NCOA3: variants seen among roughly 807,000 people sequenced by gnomAD.
NCOA3 encodes nuclear receptor coactivator 3.
In NCOA3, 51 loss-of-function variants were observed where a neutral mutation model predicts 158.8. The observed-to-expected ratio is 0.32, with a 90% CI of 0.26 to 0.41. NCOA3 has a LOEUF of 0.41. Among genes scored for constraint, NCOA3 ranks in the 10% least tolerant of loss-of-function variants. NCOA3 has a pLI of 1.00. For synonymous variants in NCOA3, 537 were observed against 592.4 expected (o/e 0.91, Z 1.36); for missense variants, 1,510 against 1,746.6 (o/e 0.86, Z 2.41).
rs779229061 is a variant in NCOA3 at position 47,627,738 on chromosome 20, A to AG, written c.712dup (p.Glu238GlyfsTer28). 1.2e-6 allele frequency: 2 copies of AG among 1,613,022 alleles called. No individual in the cohort carries two copies. The highest frequency in any genetic ancestry group is 1.3e-5 in the African/African-American group (1 of 74,886). ...CTGTCTCAGCCACGAGCTATGATGG[A>AG]GGAAGGGGAAGGTAAGAGCTATTAT... On this transcript the variant is annotated frameshift_variant, in exon 7 of 23. Transcript: ENST00000371998. LOFTEE classifies it high-confidence loss of function.
At chr20:47,589,067 T>G (rs2085583394) in intron 2 of NCOA3, among the ~76,000 whole-genome samples, 1 of 151,936 alleles carries the variant, frequency 6.6e-6, no homozygotes, top group Non-Finnish European at 1.5e-5. Context: ...TTTTGTATTT[T>G]TTTTTAGTAG....
At chr20:47,554,454 T>C (rs1421472607) in intron 1 of NCOA3, among the ~76,000 whole-genome samples, 3 of 152,102 alleles carry the variant, frequency 2.0e-5, no homozygotes, top group Non-Finnish European at 4.4e-5. Context: ...TTTTGGTGTT[T>C]AGACATGAAG....
At chr20:47,514,999 T>C (rs2084209141) in intron 1 of NCOA3, among the ~76,000 whole-genome samples, 2 of 151,056 alleles carry the variant, frequency 1.3e-5, no homozygotes. Context: ...GTATTTTAAA[T>C]AGTGTTTTGT....
At chr20:47,641,507 T>A in intron 16 of NCOA3, among the ~76,000 whole-genome samples, 1 of 133,200 alleles carries the variant, frequency 7.5e-6, no homozygotes, top group East Asian at 2.1e-4. Flanking sequence ...TTTTTTTTTT[T>A]TTTTTTTTTT....
intron 1 of NCOA3, among the ~76,000 whole-genome samples, chr20:47,574,411 C>T (rs1356286173): frequency 6.6e-6 from 1 of 151,626 alleles, no homozygotes; most frequent in East Asian, 1.9e-4. Flanking sequence ...GGTTTCCTAG[C>T]ATGCATTGTA....
At chr20:47,578,350 T>C (rs1385131307) in intron 1 of NCOA3, among the ~76,000 whole-genome samples, 1 of 152,116 alleles carries the variant, frequency 6.6e-6, no homozygotes, top group Non-Finnish European at 1.5e-5. Flanking sequence ...CACACCCAGC[T>C]ACTTTTTGTA....
At chr20:47,515,251 C>T (rs1569312803) in intron 1 of NCOA3, among the ~76,000 whole-genome samples, 1 of 151,726 alleles carries the variant, frequency 6.6e-6, no homozygotes, top group South Asian at 2.1e-4. Flanking sequence ...CAACCTCCGC[C>T]TCCTGAGTTC....
intron 13 of NCOA3, among the ~76,000 whole-genome samples, chr20:47,638,439 T>TTG (rs2146325502): frequency 6.6e-6 from 1 of 152,214 alleles, no homozygotes; most frequent in African/African-American, 2.4e-5. Flanking sequence ...CAAAGATATA[T>TTG]TGTGTGTGTC....
intron 1 of NCOA3, among the ~76,000 whole-genome samples, chr20:47,519,788 A>G (rs1292699690): frequency 6.6e-6 from 1 of 151,826 alleles, no homozygotes; most frequent in Non-Finnish European, 1.5e-5. Context: ...TTTTTGAGAG[A>G]GTCTCGCTGT....
At chr20:47,586,878 G>A (rs532269921) in intron 2 of NCOA3, among the ~76,000 whole-genome samples, 4 of 152,320 alleles carry the variant, frequency 2.6e-5, no homozygotes, top group South Asian at 2.1e-4. Context: ...GTCATATGAC[G>A]TCCGTCTGTC....
At chr20:47,617,474 C>T (rs1408377999) in intron 2 of NCOA3, among the ~76,000 whole-genome samples, 1 of 152,206 alleles carries the variant, frequency 6.6e-6, no homozygotes, top group African/African-American at 2.4e-5. Context: ...CTCTCATCTT[C>T]ATTCTTGACT....
At chr20:47,551,606 A>C (rs2084928303) in intron 1 of NCOA3, among the ~76,000 whole-genome samples, 1 of 152,188 alleles carries the variant, frequency 6.6e-6, no homozygotes, top group South Asian at 2.1e-4. Flanking sequence ...GCAGGCTGGA[A>C]GATAAATTTT....
chr20:47,538,765 C>T (rs577233961), intron 1 of NCOA3, among the ~76,000 whole-genome samples: 2 of 152,100 alleles, frequency 1.3e-5, no homozygotes, highest in South Asian at 2.1e-4. Flanking sequence ...AGGCTGGTCT[C>T]GAACTCCTGA....
intron 1 of NCOA3, among the ~76,000 whole-genome samples, chr20:47,549,687 C>T (rs939942902): frequency 2.0e-5 from 3 of 151,290 alleles, no homozygotes; most frequent in Non-Finnish European, 4.4e-5. Flanking sequence ...AACCTTTGTT[C>T]TCTTAAATTC....
chr20:47,526,895 G>T (rs1033855843), intron 1 of NCOA3, among the ~76,000 whole-genome samples: 1 of 152,034 alleles, frequency 6.6e-6, no homozygotes, highest in Non-Finnish European at 1.5e-5. Context: ...CACCTGCCTC[G>T]GCCTCCCAAA....
At position 47,553,383 on chromosome 20, in the gene NCOA3, T is replaced by C. The variant is rs1015328987; in HGVS notation, c.-98-29800T>C. Reference sequence around the variant, plus strand: ...GTCCGATCAAGATACTTTTACACTCTTGAAAATTTTTTTTTTAAATTATTA... The same window carrying C: ...GTCCGATCAAGATACTTTTACACTCCTGAAAATTTTTTTTTTAAATTATTA... On this transcript the variant is annotated intron_variant, in intron 1 of 22. Coordinates refer to ENST00000371998, the MANE Select transcript of NCOA3 (RefSeq NM_181659.3). 4.1e-4 allele frequency among the ~76,000 whole-genome samples: 62 copies of C among 152,212 alleles called. 1 individual carries two copies. The highest frequency in any genetic ancestry group is 3.6e-3 in the Admixed American group (55 of 15,286).
chr20:47,509,256 T>G (rs2084077153), intron 1 of NCOA3, among the ~76,000 whole-genome samples: 1 of 151,694 alleles, frequency 6.6e-6, no homozygotes, highest in African/African-American at 2.4e-5. Context: ...TAGCCGGGCA[T>G]GGTGATGTGC....
chr20:47,555,130 T>G (rs966134862), intron 1 of NCOA3, among the ~76,000 whole-genome samples: 8 of 152,208 alleles, frequency 5.3e-5, no homozygotes, highest in Admixed American at 1.3e-4. Flanking sequence ...TTTACACTCT[T>G]GAAATTTCAA....
At position 47,559,475 on chromosome 20, in the gene NCOA3, G is replaced by C. The variant is rs6018543; in HGVS notation, c.-98-23708G>C. Among the ~76,000 whole-genome samples, 1,102 of 152,248 alleles carry C rather than the reference G, an allele frequency of 7.2e-3. 22 individuals are homozygous for C. The highest frequency in any genetic ancestry group is 0.025 in the African/African-American group (1,044 of 41,538). The stretch of plus-strand genomic sequence containing the variant: ...CCTACTGCATTTGTACAAAACAGTA[G>C]AGTTAGCCTGTCCCTTCCTGCCTTA... On this transcript the variant is annotated intron_variant, in intron 1 of 22. Coordinates refer to ENST00000371998, the MANE Select transcript of NCOA3 (RefSeq NM_181659.3).
Sources: gnomAD v4.1 joint callset for allele counts (sites outside exome capture counted in the v4.1 genomes callset) on GRCh38, gnomAD v4.1.1 for gene constraint, MANE v1.5 for transcripts, NCBI Gene and HGNC (gene_info 2026-07-23, HGNC 2026-07-21) for gene names.